Variants in USP6NL observed in about 807,000 individuals in gnomAD.
USP6NL encodes the protein USP6 N-terminal like.
Under a neutral mutation model 61.9 loss-of-function variants are expected in USP6NL, and 26 were observed. The observed-to-expected ratio is 0.42, with a 90% CI of 0.31 to 0.58. The LOEUF (loss-of-function observed/expected upper bound fraction) is 0.58. USP6NL is among the 20% of genes least tolerant of loss of function. The pLI is 0.16. For missense variants in USP6NL, 1,114 were observed against 1,034.3 expected (o/e 1.08, Z -1.06); for synonymous variants, 432 against 390.1 (o/e 1.11, Z -1.27).
intron 1 of USP6NL, among the ~76,000 whole-genome samples, chr10:11,605,134 G>A (rs544196420): frequency 6.6e-6 from 1 of 152,284 alleles, no homozygotes; most frequent in Non-Finnish European, 1.5e-5. Context: ...CCGAAGAGAA[G>A]ACAGAAATCT....
chr10:11,490,110 T>C lies in USP6NL; in HGVS notation c.543+722A>G, dbSNP rs1238094366. On this transcript the variant is annotated intron_variant, in intron 9 of 14. Transcript: ENST00000609104. This position sits in a 1 kb window ranked among gnomAD's most constrained non-coding sequence, Gnocchi z 4.5. Reference sequence around the variant, plus strand: ...TGAGGCCCAACTAGTGCTTCCTTCCTATGAGATGTCCCTTTAAAAACCCCT... The same window carrying C: ...TGAGGCCCAACTAGTGCTTCCTTCCCATGAGATGTCCCTTTAAAAACCCCT... Among the ~76,000 whole-genome samples, 1 of 152,232 alleles carries C rather than the reference T, an allele frequency of 6.6e-6. No individual in the cohort carries two copies. The highest frequency in any genetic ancestry group is 1.5e-5 in the Non-Finnish European group (1 of 68,040).
chr10:11,572,251 A>T (rs1032396277), intron 2 of USP6NL, among the ~76,000 whole-genome samples: 5 of 152,102 alleles, frequency 3.3e-5, no homozygotes, highest in Non-Finnish European at 7.4e-5. Context: ...TTCTCTGGAA[A>T]TAGTAAAAGC....
At chr10:11,484,491 G>C (rs562716344) in intron 13 of USP6NL, among the ~76,000 whole-genome samples, 8 of 152,016 alleles carry the variant, frequency 5.3e-5, no homozygotes, top group African/African-American at 1.9e-4. Context: ...AGAGAAGTGG[G>C]TCTGTGTGCT....
In USP6NL at chr10:11,485,987, T is replaced by A; in HGVS notation, c.665-76A>T. Reference sequence around the variant, plus strand: ...CTCCAATCTTAAAACACAACATATTTCATTTGTAACTGTCAAAAATAAAAA... The same window carrying A: ...CTCCAATCTTAAAACACAACATATTACATTTGTAACTGTCAAAAATAAAAA... On this transcript the variant is annotated intron_variant, in intron 10 of 14. Coordinates refer to ENST00000609104, the MANE Select transcript of USP6NL (RefSeq NM_014688.5). The surrounding 1 kb of genome is among the most constrained non-coding windows in gnomAD (Gnocchi z 4.8). 9.9e-7 allele frequency: 1 copy of A among 1,015,024 alleles called. No homozygotes were observed. The highest frequency in any genetic ancestry group is 1.4e-6 in the Non-Finnish European group (1 of 712,568). 62.9% of individuals were successfully genotyped at this position (1,015,024 alleles called of 1,614,324 possible). A position where few individuals can be genotyped will look rare whatever the true frequency, so the allele number is the denominator to read the frequency against.
intron 1 of USP6NL, among the ~76,000 whole-genome samples, chr10:11,604,322 C>T (rs145879697): frequency 3.3e-5 from 5 of 152,190 alleles, no homozygotes; most frequent in African/African-American, 7.2e-5. Context: ...ATTTCCTTAG[C>T]GGTATAAGGA....
rs1833251347 is a variant in USP6NL, at chr10:11,482,705, G to A, written c.926-783C>T. ...TCTTCTATTAATGGTCATTTAGGTG[G>A]TTTTTGATTTTTTATTATTTAAAAC... On this transcript the variant is annotated intron_variant, in intron 13 of 14. Transcript: ENST00000609104. This position sits in a 1 kb window ranked among gnomAD's most constrained non-coding sequence, Gnocchi z 4.0. Among the ~76,000 whole-genome samples the A allele has an allele frequency of 6.6e-6, 1 of 151,936 alleles. No individual in the cohort carries two copies. The highest frequency in any genetic ancestry group is 6.6e-5 in the Admixed American group (1 of 15,262).
intron 6 of USP6NL, among the ~76,000 whole-genome samples, chr10:11,507,631 A>C (rs901930222): frequency 6.6e-6 from 1 of 152,264 alleles, no homozygotes; most frequent in Non-Finnish European, 1.5e-5. Flanking sequence ...TTAAAAATTC[A>C]TACCTCATAT....
At chr10:11,551,357 G>C (rs762108685) in intron 2 of USP6NL, among the ~76,000 whole-genome samples, 5 of 152,260 alleles carry the variant, frequency 3.3e-5, no homozygotes, top group African/African-American at 4.8e-5. Flanking sequence ...TCATACTGTA[G>C]AACTTCATTT....
chr10:11,488,860 G>A (rs1833589034), intron 10 of USP6NL, among the ~76,000 whole-genome samples: 1 of 152,144 alleles, frequency 6.6e-6, no homozygotes, highest in Admixed American at 6.5e-5. Flanking sequence ...GGCAAGTAAG[G>A]AAGAATTTTA....
chr10:11,522,506 T>C (rs1037786985), intron 4 of USP6NL, among the ~76,000 whole-genome samples: 1 of 152,222 alleles, frequency 6.6e-6, no homozygotes, highest in African/African-American at 2.4e-5. Context: ...AAACTACTCA[T>C]TGTACTAAAA....
At chr10:11,503,187 T>G (rs575364673) in intron 6 of USP6NL, among the ~76,000 whole-genome samples, 273 of 152,242 alleles carry the variant, frequency 1.8e-3, no homozygotes, top group Non-Finnish European at 3.0e-3. Flanking sequence ...TCACTGCAAA[T>G]GCTAAAAGTA....
At position 11,574,089 on chromosome 10, in the gene USP6NL, TCA is replaced by T. The variant is rs1315102709; in HGVS notation, c.4+23540_4+23541del. Among the ~76,000 whole-genome samples the T allele has an allele frequency of 1.3e-5, 2 of 152,236 alleles. No individual in the cohort carries two copies. The highest frequency in any genetic ancestry group is 1.9e-4 in the East Asian group (1 of 5,204). ...CTCTGCTATAAATTTTCACAGTGCA[TCA>T]CAGATGCTATGTGCAAGTTTTTAAG... is the stretch of plus-strand genomic sequence containing the variant. On this transcript the variant is annotated intron_variant, in intron 2 of 14. Transcript: ENST00000609104. The surrounding 1 kb of genome is among the most constrained non-coding windows in gnomAD (Gnocchi z 4.3).
rs1043001692 is a variant in USP6NL, at chr10:11,490,229, T to TC, written c.543+602dup. Among the ~76,000 whole-genome samples the TC allele has an allele frequency of 6.6e-6, 1 of 152,222 alleles. No homozygotes were observed. Among genetic ancestry groups the TC allele is most frequent in the African/African-American group, 2.4e-5 (1 of 41,456 alleles). On this transcript the variant is annotated intron_variant, in intron 9 of 14. Coordinates refer to ENST00000609104, the MANE Select transcript of USP6NL (RefSeq NM_014688.5). The surrounding 1 kb of genome is among the most constrained non-coding windows in gnomAD (Gnocchi z 4.5). ...TATACATCCCAAGGTTCAAAGGTCC[T>TC]CCCTGGGACCTAGTCAACAAGTATT...
At position 11,528,219 on chromosome 10, in the gene USP6NL, G is replaced by A. The variant is rs1835502708; in HGVS notation, c.5-652C>T. On this transcript the variant is annotated intron_variant, in intron 2 of 14. Transcript: ENST00000609104. The surrounding 1 kb of genome is among the most constrained non-coding windows in gnomAD (Gnocchi z 4.6). ...AAACATAAATCTGACAACAAAAGTC[G>A]AGATCATAACATGAAATAGTATGAA... Among the ~76,000 whole-genome samples the A allele has an allele frequency of 6.7e-6, 1 of 150,162 alleles. No individual in the cohort carries two copies. Among genetic ancestry groups the A allele is most frequent in the Non-Finnish European group, 1.5e-5 (1 of 67,718 alleles).
intron 1 of USP6NL, among the ~76,000 whole-genome samples, chr10:11,599,213 C>T (rs1330112298): frequency 6.6e-6 from 1 of 152,202 alleles, no homozygotes; most frequent in African/African-American, 2.4e-5. Context: ...CAAGGCAAGA[C>T]AGTCCCGTGT....
intron 6 of USP6NL, among the ~76,000 whole-genome samples, 185 bp from the exon 7 acceptor site, chr10:11,501,393 T>C (rs981272157): frequency 6.6e-6 from 1 of 152,150 alleles, no homozygotes; most frequent in Non-Finnish European, 1.5e-5. Flanking sequence ...AACAGGGAGA[T>C]ACAGACAAAG....
chr10:11,577,694 A>C (rs973682737), intron 2 of USP6NL, among the ~76,000 whole-genome samples: 1 of 151,326 alleles, frequency 6.6e-6, no homozygotes, highest in Admixed American at 6.6e-5. Flanking sequence ...ACAGGGTTTC[A>C]CCATGTTGGT....
chr10:11,538,928 C>A (rs1835939843), intron 2 of USP6NL, among the ~76,000 whole-genome samples: 5 of 152,208 alleles, frequency 3.3e-5, no homozygotes, highest in Admixed American at 2.6e-4. Flanking sequence ...CTCCTACTCG[C>A]AGAGCTGCAC....
intron 2 of USP6NL, among the ~76,000 whole-genome samples, chr10:11,536,830 T>C (rs1835853311): frequency 6.6e-6 from 1 of 152,218 alleles, no homozygotes; most frequent in Admixed American, 6.5e-5. Context: ...TATCTCCATC[T>C]TGCTCCCCCT....
Sources: gnomAD v4.1 joint callset for allele counts (sites outside exome capture counted in the v4.1 genomes callset) on GRCh38, gnomAD v4.1.1 for gene constraint, Gnocchi (gnomAD v3.1) non-coding constraint, MANE v1.5 for transcripts, NCBI Gene and HGNC (gene_info 2026-07-23, HGNC 2026-07-21) for gene names.